TSPAN7: variants seen among roughly 807,000 people sequenced by gnomAD.
The protein encoded by TSPAN7 is tetraspanin-7.
TSPAN7 carries 1 observed loss-of-function variant against 17.6 expected under a neutral mutation model. That is an observed-to-expected ratio of 0.06 (90% CI 0.02 to 0.27). TSPAN7 has a LOEUF of 0.27. TSPAN7 is among the 10% of genes least tolerant of loss of function. The pLI is 1.00. For missense variants in TSPAN7, 112 were observed against 201.7 expected (o/e 0.56, Z 2.69); for synonymous variants, 78 against 79.0 (o/e 0.99, Z 0.07).
intron 1 of TSPAN7, among the ~76,000 whole-genome samples, chrX:38,653,019 G>A (rs1352983292): frequency 8.9e-6 from 1 of 112,023 alleles, no homozygotes; most frequent in African/African-American, 3.2e-5. Flanking sequence ...TGCCGCAAGA[G>A]GCAGAATATA....
At chrX:38,686,007 A>T (rs1221461173) in intron 6 of TSPAN7, among the ~76,000 whole-genome samples, 3 of 112,232 alleles carry the variant, frequency 2.7e-5, no homozygotes, top group Non-Finnish European at 1.9e-5. Context: ...GGAAAATGGA[A>T]GTTCTAATAA....
chrX:38,625,792 A>G (rs982681280), intron 1 of TSPAN7, among the ~76,000 whole-genome samples: 1 of 112,141 alleles, frequency 8.9e-6, no homozygotes, highest in African/African-American at 3.2e-5. Flanking sequence ...GGATACATGA[A>G]AATTTTAGAC....
At chrX:38,662,189 C>G (rs1395813188) in intron 1 of TSPAN7, among the ~76,000 whole-genome samples, 1 of 111,564 alleles carries the variant, frequency 9.0e-6, no homozygotes, top group Admixed American at 9.5e-5. Flanking sequence ...GTCTTAGTCA[C>G]CTAAGGGTAT....
intron 4 of TSPAN7, among the ~76,000 whole-genome samples, chrX:38,674,864 A>G (rs2147454557): frequency 9.0e-6 from 1 of 111,539 alleles, no homozygotes; most frequent in Non-Finnish European, 1.9e-5. Flanking sequence ...GCACTCAAGC[A>G]TAACTGCCCA....
chrX:38,656,454 A>C (rs368199855), intron 1 of TSPAN7, among the ~76,000 whole-genome samples: 7 of 111,559 alleles, frequency 6.3e-5, no homozygotes, highest in African/African-American at 2.3e-4. Flanking sequence ...CTCTTCTTTC[A>C]CTGGTGGTTG....
intron 1 of TSPAN7, among the ~76,000 whole-genome samples, chrX:38,638,964 G>T (rs1331822150): frequency 9.0e-6 from 1 of 111,353 alleles, no homozygotes; most frequent in Non-Finnish European, 1.9e-5. Flanking sequence ...TGCTTTAATA[G>T]GTAGAAAGAA....
At chrX:38,564,288 G>A (rs1018816808) in intron 1 of TSPAN7, among the ~76,000 whole-genome samples, 5 of 111,176 alleles carry the variant, frequency 4.5e-5, no homozygotes, top group Admixed American at 1.9e-4. Context: ...ATTACTTCAA[G>A]GTTCATCCAT....
chrX:38,563,452 T>A (rs375281071), intron 1 of TSPAN7, among the ~76,000 whole-genome samples: 1 of 108,617 alleles, frequency 9.2e-6, no homozygotes, highest in South Asian at 4.0e-4. Context: ...ACTTCCTATT[T>A]GTTACTGGAG....
At chrX:38,685,849 G>T (rs1220954742) in intron 6 of TSPAN7, among the ~76,000 whole-genome samples, 4 of 111,677 alleles carry the variant, frequency 3.6e-5, no homozygotes, top group Admixed American at 2.9e-4. Context: ...AGCATCCTAG[G>T]ATTTTGCTAT....
intron 4 of TSPAN7, among the ~76,000 whole-genome samples, chrX:38,675,311 G>C (rs1352535977): frequency 8.9e-6 from 1 of 112,078 alleles, no homozygotes; most frequent in Non-Finnish European, 1.9e-5. Context: ...TTTTTCTTAA[G>C]AACTATTTAT....
intron 1 of TSPAN7, among the ~76,000 whole-genome samples, chrX:38,589,673 T>C (rs2069279891): frequency 8.9e-6 from 1 of 111,866 alleles, no homozygotes; most frequent in African/African-American, 3.2e-5. Context: ...TATTATAAGG[T>C]GAAACTTAAA....
chrX:38,647,863 G>A (rs2069653594), intron 1 of TSPAN7, among the ~76,000 whole-genome samples: 1 of 112,086 alleles, frequency 8.9e-6, no homozygotes, highest in Admixed American at 9.5e-5. Flanking sequence ...GTTCAGGGGA[G>A]CTTACAGTGT....
chrX:38,648,783 G>A (rs2069659725), intron 1 of TSPAN7, among the ~76,000 whole-genome samples: 1 of 110,273 alleles, frequency 9.1e-6, no homozygotes, highest in Admixed American at 9.6e-5. Flanking sequence ...AGCCAGGCAT[G>A]GTGGCATAAG....
chrX:38,675,665 A>G, intron 4 of TSPAN7, 40 bp from the exon 5 acceptor site: 1 of 1,208,159 alleles, frequency 8.3e-7, no homozygotes, highest in Non-Finnish European at 1.1e-6. Flanking sequence ...ACCACATTTG[A>G]TCTGCCATTT....
chrX:38,646,383 T>A, intron 1 of TSPAN7: 1 of 999,123 alleles, frequency 1.0e-6, no homozygotes, highest in African/African-American at 1.9e-5. Flanking sequence ...TTTGTGAAGG[T>A]AGTGTTTGTT....
intron 1 of TSPAN7, among the ~76,000 whole-genome samples, chrX:38,618,121 A>T (rs1301246990): frequency 8.9e-6 from 1 of 111,957 alleles, no homozygotes; most frequent in African/African-American, 3.2e-5. Context: ...ATAGGGTGGT[A>T]CAGACTAGGA....
At chrX:38,681,395 G>A in intron 6 of TSPAN7, 108 bp downstream of exon 6, 3 of 662,443 alleles carry the variant, frequency 4.5e-6, no homozygotes, top group Non-Finnish European at 7.5e-6. Flanking sequence ...GCTGATAGAT[G>A]GGGTCAAAGC....
At chrX:38,659,533 T>C (rs1233717336) in intron 1 of TSPAN7, among the ~76,000 whole-genome samples, 1 of 111,991 alleles carries the variant, frequency 8.9e-6, no homozygotes, top group Non-Finnish European at 1.9e-5. Context: ...CCTGATTTTA[T>C]TGAAGAGTGA....
Position 38,655,229 on chromosome X carries a change from G to A in TSPAN7, c.82-10892G>A, listed in dbSNP as rs760255242. Among the ~76,000 whole-genome samples, 6 of 111,852 alleles carry A rather than the reference G, an allele frequency of 5.4e-5. No individual in the cohort carries two copies. In the East Asian group the frequency reaches 1.4e-3, roughly 26 times the overall value. ...GGGGGCAAGGGTGGATGCAAGGGGAGATGGAGGCTTGGCCTAGGGTGGTAG... is the reference window on the plus strand; with the variant it reads ...GGGGGCAAGGGTGGATGCAAGGGGAAATGGAGGCTTGGCCTAGGGTGGTAG... On this transcript the variant is annotated intron_variant, in intron 1 of 7. Transcript: ENST00000378482.
Sources: gnomAD v4.1 joint callset for allele counts (sites outside exome capture counted in the v4.1 genomes callset) on GRCh38, gnomAD v4.1.1 for gene constraint, MANE v1.5 for transcripts, NCBI Gene and HGNC (gene_info 2026-07-23, HGNC 2026-07-21) for gene names.